Variants in FCRL5 observed in about 807,000 individuals in gnomAD.
FCRL5 encodes Fc receptor like 5.
In FCRL5, 79 loss-of-function variants were observed where a neutral mutation model predicts 92.1. The ratio of observed to expected loss-of-function variants is 0.86; its 90% confidence interval spans 0.72 to 1.03. The LOEUF (loss-of-function observed/expected upper bound fraction) is 1.03, where lower values mean the gene tolerates loss of function less well. FCRL5 is among the 50% of genes least tolerant of loss of function. The pLI, the probability that FCRL5 is intolerant of heterozygous loss-of-function variation, is 0.00. For synonymous variants in FCRL5, 466 were observed against 469.3 expected, an observed-to-expected ratio of 0.99 and a Z score of 0.09; for missense variants, 1,160 against 1,181.1, an observed-to-expected ratio of 0.98 and a Z score of 0.26.
At chr1:157,523,391 A>G (rs967515547) in intron 10 of FCRL5, among the ~76,000 whole-genome samples, 22 of 152,246 alleles carry the variant, frequency 1.4e-4, no homozygotes, top group Admixed American at 1.4e-3. Flanking sequence ...AAGGATGATC[A>G]TGATTTTCAT....
chr1:157,545,998 C>G (rs927902021), intron 3 of FCRL5, among the ~76,000 whole-genome samples: 1 of 152,118 alleles, frequency 6.6e-6, no homozygotes, highest in Non-Finnish European at 1.5e-5. Flanking sequence ...AATGATGTAA[C>G]TTCAACTTCA....
Position 157,544,315 on chromosome 1 carries a change from G to A in FCRL5, c.791C>T (p.Thr264Ile). Residue 264 changes from threonine (T) to isoleucine (I), a missense_variant, in exon 5 of 17, where the codon ACA becomes ATA. Thr to Ile is a moderately conservative substitution (Grantham distance 89). Coordinates refer to ENST00000361835, the MANE Select transcript of FCRL5 (RefSeq NM_031281.3). ...DSGFYWCKAA[T>I]MPYSVISDSP... ...GTCAGATATGACGCTGTAAGGCATT[G>A]TTGCTGCCTTACACCAGTAGAACCC... 6.2e-7 allele frequency: 1 copy of A among 1,614,132 alleles called. No homozygotes were observed. Among genetic ancestry groups the A allele is most frequent in the South Asian group, 1.1e-5 (1 of 91,090 alleles).
At chr1:157,550,539 A>T (rs1440809475) in intron 1 of FCRL5, among the ~76,000 whole-genome samples, 2 of 152,190 alleles carry the variant, frequency 1.3e-5, no homozygotes, top group Non-Finnish European at 2.9e-5. Flanking sequence ...GGTAATGTGT[A>T]ATTTTTGTCA....
chr1:157,549,051 A>G (rs1253867998), intron 2 of FCRL5, among the ~76,000 whole-genome samples: 1 of 152,150 alleles, frequency 6.6e-6, no homozygotes, highest in Non-Finnish European at 1.5e-5. Flanking sequence ...TCCAACAATG[A>G]TAGACTGGAT....
chr1:157,541,293 T>A (rs772309413), intron 6 of FCRL5, among the ~76,000 whole-genome samples: 2 of 152,192 alleles, frequency 1.3e-5, no homozygotes, highest in Non-Finnish European at 2.9e-5. Flanking sequence ...TCTCTTTTAC[T>A]CCTGGCTGCC....
At chr1:157,515,997 A>G (rs1558124249) in intron 15 of FCRL5, 124 bp from the exon 16 acceptor site, 1 of 1,050,666 alleles carries the variant, frequency 9.5e-7, no homozygotes, top group Non-Finnish European at 1.4e-6. Context: ...GTGAGTAGCC[A>G]TTCCTCTTAG....
intron 8 of FCRL5, among the ~76,000 whole-genome samples, chr1:157,530,050 T>C (rs1321931778): frequency 2.0e-5 from 3 of 152,230 alleles, no homozygotes; most frequent in African/African-American, 7.2e-5. Context: ...AGTTTTACCA[T>C]TTTCTTTATT....
chr1:157,533,865 T>C (rs1650812525), intron 8 of FCRL5: 1 of 156,972 alleles, frequency 6.4e-6, no homozygotes, highest in Non-Finnish European at 1.4e-5. Context: ...CAACAAGTTA[T>C]GCTAGGGGCA....
chr1:157,527,489 G>T, intron 9 of FCRL5, 128 bp downstream of exon 9: 1 of 904,822 alleles, frequency 1.1e-6, no homozygotes, highest in Non-Finnish European at 1.6e-6. Flanking sequence ...TGGAGGCTGT[G>T]TAGGCACCAA....
rs758275428 is a variant in FCRL5, at chr1:157,521,568, A to AAGACAACCATACAATAC, written c.2240-293_2240-277dup. On this transcript the variant is annotated intron_variant, in intron 10 of 16. Coordinates refer to ENST00000361835, the MANE Select transcript of FCRL5 (RefSeq NM_031281.3). ...CTTCATTACTAATTAACTAAACACA[A>AAGACAACCATACAATAC]AGACAACCATACAATACTATTCTTT... The AAGACAACCATACAATAC allele has an allele frequency of 9.1e-4, 299 of 329,712 alleles. 2 individuals carry two copies. Among genetic ancestry groups the AAGACAACCATACAATAC allele is most frequent in the Non-Finnish European group, 1.4e-3 (251 of 182,734 alleles). 20.4% of individuals were successfully genotyped at this position (329,712 alleles called of 1,614,324 possible).
chr1:157,515,481 G>T lies in FCRL5; in HGVS notation c.*194C>A. 1 of 1,216,766 alleles carries T rather than the reference G, an allele frequency of 8.2e-7. No homozygotes were observed. Among genetic ancestry groups the T allele is most frequent in the Non-Finnish European group, 1.1e-6 (1 of 876,190 alleles). The allele number at this position is 1,216,766 out of a possible 1,614,324, so 75.4% of individuals were successfully genotyped here. A position where few individuals can be genotyped will look rare whatever the true frequency, so the allele number is the denominator to read the frequency against. On this transcript the variant is annotated 3_prime_UTR_variant, in exon 17 of 17. Transcript: ENST00000361835. ...CTGGATTAAAAAACCTGCCAGTCAG[G>T]GCTTTAACTGGGAAACAGGTGACAG...
At chr1:157,517,289 G>A (rs1415064878) in intron 15 of FCRL5, among the ~76,000 whole-genome samples, 2 of 152,202 alleles carry the variant, frequency 1.3e-5, no homozygotes, top group East Asian at 3.9e-4. Context: ...TTCTCATTTA[G>A]TCCCCACAGT....
At chr1:157,540,082 A>AT (rs1651184353) in intron 6 of FCRL5, among the ~76,000 whole-genome samples, 1 of 152,198 alleles carries the variant, frequency 6.6e-6, no homozygotes, top group African/African-American at 2.4e-5. Flanking sequence ...TCACAGATTC[A>AT]ATGTTTCACC....
At chr1:157,533,898 A>T (rs941347958) in intron 8 of FCRL5, 4 of 159,144 alleles carry the variant, frequency 2.5e-5, no homozygotes, top group African/African-American at 7.2e-5. Context: ...CAGGCTCAAG[A>T]TTTTTCTATC....
In FCRL5 at chr1:157,513,589, T is replaced by G. The variant is rs1649803240; in HGVS notation, c.*2086A>C. On this transcript the variant is annotated 3_prime_UTR_variant, in exon 17 of 17. Coordinates refer to ENST00000361835, the MANE Select transcript of FCRL5 (RefSeq NM_031281.3). ...CTTATGTCCCAGCCCAAAGCAGGAG[T>G]TCCCCCTTACTTGAGGAAGAATAAG... 6.6e-6 allele frequency: 1 copy of G among 151,972 alleles called. No homozygotes were observed. The highest frequency in any genetic ancestry group is 1.5e-5 in the Non-Finnish European group (1 of 67,990). The allele number at this position is 151,972 out of a possible 1,614,324, so 9.4% of individuals were successfully genotyped here.
intron 6 of FCRL5, 43 bp downstream of exon 6, chr1:157,542,816 C>T (rs1441092096): frequency 2.5e-6 from 4 of 1,587,248 alleles, no homozygotes; most frequent in Middle Eastern, 2.3e-4. Flanking sequence ...TGAGGCAGGA[C>T]TCTTGGCCAG....
intron 8 of FCRL5, chr1:157,533,468 TG>T (rs1227652080): frequency 8.5e-5 from 13 of 152,252 alleles, no homozygotes; most frequent in African/African-American, 2.9e-4. Flanking sequence ...AAAATAGCTT[TG>T]TTTTTTTTCC....
intron 10 of FCRL5, chr1:157,522,273 A>G (rs1650231814): frequency 1.3e-5 from 2 of 152,242 alleles, no homozygotes; most frequent in Non-Finnish European, 2.9e-5. Flanking sequence ...TTCATCACAA[A>G]CATTCATGTG....
chr1:157,521,585 C>A (rs1320576880), intron 10 of FCRL5: 1 of 257,770 alleles, frequency 3.9e-6, no homozygotes. Context: ...CCATACAATA[C>A]TATTCTTTTT....
Sources: gnomAD v4.1 joint callset for allele counts (sites outside exome capture counted in the v4.1 genomes callset) on GRCh38, gnomAD v4.1.1 for gene constraint, MANE v1.5 for transcripts, NCBI Gene and HGNC (gene_info 2026-07-23, HGNC 2026-07-21) for gene names.